The following CDC14A variants were observed in gnomAD, a reference collection of about 807,000 sequenced individuals.
CDC14A encodes the protein dual specificity protein phosphatase CDC14A.
CDC14A carries 53 observed loss-of-function variants against 74.4 expected under a neutral mutation model. That is an observed-to-expected ratio of 0.71 (90% confidence interval 0.57 to 0.89). The LOEUF is 0.89. Among genes scored for constraint, CDC14A ranks in the 40% least tolerant of loss-of-function variants. CDC14A has a pLI of 0.00. For synonymous variants in CDC14A, 247 were observed against 258.4 expected (o/e 0.96, Z 0.43); for missense variants, 646 against 713.7 (o/e 0.91, Z 1.08).
chr1:100,390,943 T>C, intron 4 of CDC14A, 119 bp downstream of exon 4: 2 of 741,474 alleles, frequency 2.7e-6, no homozygotes, highest in Non-Finnish European at 4.8e-6. Context: ...TATTAGCAGT[T>C]TGGGAATTGA....
At chr1:100,382,031 A>G (rs1445952125) in intron 3 of CDC14A, among the ~76,000 whole-genome samples, 1 of 152,024 alleles carries the variant, frequency 6.6e-6, no homozygotes, top group Non-Finnish European at 1.5e-5. Flanking sequence ...GAAATTATAC[A>G]ATTTTGTATG....
chr1:100,454,350 G>T (rs578223834), intron 7 of CDC14A, among the ~76,000 whole-genome samples: 1 of 152,244 alleles, frequency 6.6e-6, no homozygotes, highest in East Asian at 1.9e-4. Context: ...GGAGGGCAAG[G>T]GTAGGGGTAG....
At chr1:100,452,203 A>T (rs1441789910) in intron 7 of CDC14A, among the ~76,000 whole-genome samples, 1 of 152,202 alleles carries the variant, frequency 6.6e-6, no homozygotes, top group Non-Finnish European at 1.5e-5. Context: ...AGAGTCACAA[A>T]TGCATTTCTT....
At chr1:100,458,128 C>G (rs17122560) in intron 8 of CDC14A, among the ~76,000 whole-genome samples, 8,437 of 152,216 alleles carry the variant, frequency 0.055, 565 homozygotes, top group African/African-American at 0.16. Flanking sequence ...ATCAGAACAA[C>G]CCTCTGGAGC....
chr1:100,352,111 G>GAAAAGAAA (rs1651111147), upstream of CDC14A, among the ~76,000 whole-genome samples: 1 of 152,174 alleles, frequency 6.6e-6, no homozygotes, highest in Non-Finnish European at 1.5e-5. Flanking sequence ...ACAAGACTTA[G>GAAAAGAAA]AGGGTGCAGA....
At chr1:100,359,744 T>G (rs376814582) in intron 2 of CDC14A, among the ~76,000 whole-genome samples, 4 of 151,984 alleles carry the variant, frequency 2.6e-5, no homozygotes, top group Admixed American at 6.6e-5. Flanking sequence ...TTTTGTAGGC[T>G]GTCTGGTGAA....
At chr1:100,409,661 A>G (rs889028814) in intron 4 of CDC14A, among the ~76,000 whole-genome samples, 1 of 152,256 alleles carries the variant, frequency 6.6e-6, no homozygotes, top group African/African-American at 2.4e-5. Flanking sequence ...TTAAAGCTCC[A>G]AAGTGATCTC....
chr1:100,358,974 G>T lies in CDC14A; in HGVS notation c.140+5122G>T, dbSNP rs551186787. 1.3e-4 allele frequency among the ~76,000 whole-genome samples: 20 copies of T among 152,292 alleles called. No homozygotes were observed. The South Asian group carries it at 3.3e-3, about 25-fold the overall frequency. On this transcript the variant is annotated intron_variant, in intron 2 of 15. Transcript: ENST00000336454. ...AGCAAGTAGGATAATTTAATGGAAG[G>T]TTGAATGCCACTTAAGCATATACAC... is the stretch of plus-strand genomic sequence containing the variant.
chr1:100,502,869 C>A (rs1214145189), intron 15 of CDC14A, among the ~76,000 whole-genome samples: 1 of 152,166 alleles, frequency 6.6e-6, no homozygotes, highest in African/African-American at 2.4e-5. Context: ...TTAAATAATT[C>A]AATTTAAGTA....
chr1:100,367,515 T>C (rs1388091537), intron 2 of CDC14A, among the ~76,000 whole-genome samples: 1 of 152,168 alleles, frequency 6.6e-6, no homozygotes, highest in Non-Finnish European at 1.5e-5. Flanking sequence ...AATATATTTA[T>C]TAATAGTAAG....
At chr1:100,510,579 T>G (rs939522007) in intron 15 of CDC14A, among the ~76,000 whole-genome samples, 8 of 152,154 alleles carry the variant, frequency 5.3e-5, no homozygotes, top group African/African-American at 1.9e-4. Context: ...CCTCTTTCCT[T>G]CTACAGCCTG....
At chr1:100,408,583 T>C (rs781065554) in intron 4 of CDC14A, among the ~76,000 whole-genome samples, 7 of 152,234 alleles carry the variant, frequency 4.6e-5, no homozygotes, top group Non-Finnish European at 8.8e-5. Flanking sequence ...GCATCTGTTA[T>C]ATTTTTTGAC....
intron 3 of CDC14A, among the ~76,000 whole-genome samples, chr1:100,382,390 A>ATTT (rs59014809): frequency 2.6e-5 from 3 of 115,286 alleles, no homozygotes; most frequent in African/African-American, 9.7e-5. Flanking sequence ...CCAGCTAACT[A>ATTT]TTTTTTTTTT....
intron 11 of CDC14A, among the ~76,000 whole-genome samples, chr1:100,493,053 A>G (rs1647215402): frequency 6.6e-6 from 1 of 152,194 alleles, no homozygotes; most frequent in Admixed American, 6.5e-5. Flanking sequence ...TATGGGAGGT[A>G]AATTTTTATA....
chr1:100,361,174 C>G (rs930088036), intron 2 of CDC14A, among the ~76,000 whole-genome samples: 3 of 151,078 alleles, frequency 2.0e-5, no homozygotes, highest in African/African-American at 7.3e-5. Flanking sequence ...AAACTCTTGA[C>G]ACATTTTTAT....
chr1:100,347,775 T>C (rs1481229891), upstream of CDC14A, among the ~76,000 whole-genome samples: 2 of 152,214 alleles, frequency 1.3e-5, no homozygotes, highest in African/African-American at 4.8e-5. Flanking sequence ...TGAAAATTAA[T>C]TTACAGAAAG....
At position 100,352,897 on chromosome 1, in the gene CDC14A, G is replaced by C. The variant is rs925434181; in HGVS notation, c.-58G>C. 5 of 1,612,132 alleles carry C rather than the reference G, an allele frequency of 3.1e-6. No individual in the cohort carries two copies. Among genetic ancestry groups the C allele is most frequent in the Non-Finnish European group, 4.2e-6 (5 of 1,179,648 alleles). ...TCCTGGGCAGTGGGGAAGCCCCCGGGGGCGAGTGACTTCAGCTGGCCACGA... is the reference window on the plus strand; with the variant it reads ...TCCTGGGCAGTGGGGAAGCCCCCGGCGGCGAGTGACTTCAGCTGGCCACGA... On this transcript the variant is annotated 5_prime_UTR_variant, in exon 1 of 16. Coordinates refer to ENST00000336454, the MANE Select transcript of CDC14A (RefSeq NM_003672.4).
chr1:100,456,435 C>CCA (rs1666697448), intron 8 of CDC14A, among the ~76,000 whole-genome samples: 3 of 151,774 alleles, frequency 2.0e-5, no homozygotes, highest in African/African-American at 7.3e-5. Flanking sequence ...ATATCCCCCC[C>CCA]CCTTTTTTTT....
Position 100,355,715 on chromosome 1 carries a change from C to A in CDC14A, c.140+1863C>A, listed in dbSNP as rs184866910. ...GTAATGGCTGTGGCTCTGACACCTC[C>A]AACTCCATCTTTTTTGTTACCCCAA... On this transcript the variant is annotated intron_variant, in intron 2 of 15. Coordinates refer to ENST00000336454, the MANE Select transcript of CDC14A (RefSeq NM_003672.4). Among the ~76,000 whole-genome samples, 409 of 152,272 alleles carry A rather than the reference C, an allele frequency of 2.7e-3. 2 individuals carry two copies. The highest frequency in any genetic ancestry group is 0.017 in the Middle Eastern group (5 of 294).
Sources: allele counts gnomAD v4.1 joint callset (sites outside exome capture counted in the v4.1 genomes callset), GRCh38; gene constraint gnomAD v4.1.1; transcripts MANE v1.5; gene names NCBI Gene and HGNC (gene_info 2026-07-23, HGNC 2026-07-21).